The following L3MBTL4 variants were observed in gnomAD, a reference collection of about 807,000 sequenced individuals.
L3MBTL4 encodes L3MBTL histone methyl-lysine binding protein 4, also known as lethal(3)malignant brain tumor-like protein 4.
L3MBTL4 carries 70 observed loss-of-function variants against 84.5 expected under a neutral mutation model. The ratio of observed to expected loss-of-function variants is 0.83; its 90% confidence interval spans 0.68 to 1.01. The LOEUF (loss-of-function observed/expected upper bound fraction) is 1.01. L3MBTL4 is among the 50% of genes least tolerant of loss of function. The pLI is 0.00. For missense variants in L3MBTL4, 715 were observed against 754.8 expected, an observed-to-expected ratio of 0.95 and a Z score of 0.62; for synonymous variants, 274 against 259.8, an observed-to-expected ratio of 1.05 and a Z score of -0.52.
intron 12 of L3MBTL4, among the ~76,000 whole-genome samples, chr18:6,194,570 C>A (rs2045289302): frequency 6.6e-6 from 1 of 152,200 alleles, no homozygotes; most frequent in Non-Finnish European, 1.5e-5. Flanking sequence ...CAATGGCACA[C>A]TTCACTATTA....
intron 15 of L3MBTL4, among the ~76,000 whole-genome samples, chr18:6,087,398 T>C (rs191653194): frequency 5.2e-4 from 79 of 152,288 alleles, no homozygotes; most frequent in Non-Finnish European, 1.1e-3. Flanking sequence ...ATTGGTGTCC[T>C]TGTCTCCACA....
intron 5 of L3MBTL4, chr18:6,261,078 G>A (rs900793733): frequency 6.6e-6 from 1 of 152,128 alleles, no homozygotes; most frequent in African/African-American, 2.4e-5. Flanking sequence ...GGTCGAATGA[G>A]GTCTCATCTC....
chr18:6,259,138 T>C (rs983184018), intron 5 of L3MBTL4: 21 of 152,172 alleles, frequency 1.4e-4, no homozygotes, highest in African/African-American at 3.9e-4. Context: ...TTGGGAAAAT[T>C]GCATAATTTG....
intron 13 of L3MBTL4, among the ~76,000 whole-genome samples, chr18:6,140,226 C>T (rs1024274860): frequency 2.0e-5 from 3 of 152,174 alleles, no homozygotes; most frequent in African/African-American, 7.2e-5. Context: ...TCTTCTCTTC[C>T]TCAGCCCCTT....
chr18:6,345,550 G>T (rs341192), intron 1 of L3MBTL4, among the ~76,000 whole-genome samples: 1 of 151,672 alleles, frequency 6.6e-6, no homozygotes, highest in African/African-American at 2.4e-5. Flanking sequence ...CTATCCAATA[G>T]AATTTAAAAA....
At chr18:6,340,146 TA>T (rs1275767091) in intron 1 of L3MBTL4, among the ~76,000 whole-genome samples, 2 of 152,156 alleles carry the variant, frequency 1.3e-5, no homozygotes, top group African/African-American at 4.8e-5. Flanking sequence ...ACATCTTTTT[TA>T]AAAATCCTTT....
chr18:6,054,040 T>C (rs1398437731), intron 16 of L3MBTL4, among the ~76,000 whole-genome samples: 2 of 152,216 alleles, frequency 1.3e-5, no homozygotes, highest in Non-Finnish European at 2.9e-5. Context: ...CAAGTCCCTC[T>C]GCTTCTTTCC....
At chr18:6,388,854 G>A (rs994350947) in intron 1 of L3MBTL4, among the ~76,000 whole-genome samples, 6 of 152,254 alleles carry the variant, frequency 3.9e-5, no homozygotes, top group East Asian at 3.9e-4. Flanking sequence ...ATGCAACAGA[G>A]CAGTGAAGTC....
intron 4 of L3MBTL4, among the ~76,000 whole-genome samples, chr18:6,300,384 G>A (rs552823194): frequency 6.6e-6 from 1 of 152,252 alleles, no homozygotes; most frequent in East Asian, 1.9e-4. Flanking sequence ...ATTTAAAGAA[G>A]AGTCAGCCAC....
intron 14 of L3MBTL4, 67 bp downstream of exon 14, chr18:6,138,127 A>T: frequency 1.9e-6 from 2 of 1,063,588 alleles, no homozygotes; most frequent in South Asian, 2.8e-5. Flanking sequence ...ATGATGCTCC[A>T]TGTAGCTGCT....
intron 16 of L3MBTL4, among the ~76,000 whole-genome samples, chr18:6,055,792 C>A (rs2057000106): frequency 6.6e-6 from 1 of 152,130 alleles, no homozygotes; most frequent in Admixed American, 6.5e-5. Flanking sequence ...GAGTTGGAAC[C>A]CAGATTCTCA....
In L3MBTL4 at chr18:5,990,093, A is replaced by C. The variant is rs572200299; in HGVS notation, c.1445-20531T>G. Among the ~76,000 whole-genome samples, 47 of 152,318 alleles carry C rather than the reference A, an allele frequency of 3.1e-4. No homozygotes were observed. In the Middle Eastern group the frequency reaches 0.01, roughly 33 times the overall value. On this transcript the variant is annotated intron_variant, in intron 16 of 18. Transcript: ENST00000317931. ...GGCCTCTGAATGCCACTCACTCAGA[A>C]GGGCTTGCATTGTTTCCCTTTGGCT...
intron 1 of L3MBTL4, among the ~76,000 whole-genome samples, chr18:6,394,625 G>A (rs578252506): frequency 6.6e-6 from 1 of 152,000 alleles, no homozygotes; most frequent in African/African-American, 2.4e-5. Flanking sequence ...CTACAGCAAT[G>A]CCTGACACAC....
intron 12 of L3MBTL4, among the ~76,000 whole-genome samples, chr18:6,206,515 A>C (rs2045882271): frequency 6.6e-6 from 1 of 152,046 alleles, no homozygotes; most frequent in Admixed American, 6.5e-5. Flanking sequence ...TTATCCAGGG[A>C]GTTCTAGAGT....
At chr18:6,229,841 A>G (rs764689262) in intron 10 of L3MBTL4, among the ~76,000 whole-genome samples, 3 of 152,048 alleles carry the variant, frequency 2.0e-5, no homozygotes, top group African/African-American at 4.8e-5. Context: ...TTCCATCTCT[A>G]TCCCCATGTG....
chr18:6,371,505 C>A (rs1014429306), intron 1 of L3MBTL4, among the ~76,000 whole-genome samples: 1 of 152,136 alleles, frequency 6.6e-6, no homozygotes, highest in Non-Finnish European at 1.5e-5. Flanking sequence ...AAGCATAAAG[C>A]ACTGCACGAT....
chr18:6,405,033 T>C (rs1201355765), intron 1 of L3MBTL4, among the ~76,000 whole-genome samples: 1 of 152,166 alleles, frequency 6.6e-6, no homozygotes, highest in African/African-American at 2.4e-5. Context: ...CTGACATGTT[T>C]AAATGCTTAG....
At chr18:6,154,924 A>G (rs1246037578) in intron 13 of L3MBTL4, among the ~76,000 whole-genome samples, 1 of 152,238 alleles carries the variant, frequency 6.6e-6, no homozygotes, top group Non-Finnish European at 1.5e-5. Flanking sequence ...TTGACATGAA[A>G]AGAATAACGA....
At chr18:6,015,786 G>A (rs1378390986) in intron 16 of L3MBTL4, among the ~76,000 whole-genome samples, 5 of 151,958 alleles carry the variant, frequency 3.3e-5, no homozygotes, top group South Asian at 2.1e-4. Context: ...GTGAAACCCC[G>A]TCTCTATTAA....
Sources: allele counts gnomAD v4.1 joint callset (sites outside exome capture counted in the v4.1 genomes callset), GRCh38; gene constraint gnomAD v4.1.1; transcripts MANE v1.5; gene names NCBI Gene and HGNC (gene_info 2026-07-23, HGNC 2026-07-21).